TENM4: variants seen among roughly 807,000 people sequenced by gnomAD.
TENM4 encodes teneurin transmembrane protein 4.
In TENM4, 82 loss-of-function variants were observed where a neutral mutation model predicts 243.3. The observed-to-expected ratio is 0.34, with a 90% CI of 0.28 to 0.40. The LOEUF is 0.40. Ranked by LOEUF, TENM4 falls within the 10% of genes least tolerant of loss-of-function variation. The probability of loss-of-function intolerance (pLI) is 1.00; values close to 1 mark genes in which losing one functional copy is unlikely to be tolerated. For synonymous variants in TENM4, 1,412 were observed against 1,456.3 expected (o/e 0.97, Z 0.69); for missense variants, 3,138 against 3,673.3 (o/e 0.85, Z 3.77).
chr11:78,885,732 A>C (rs889034666), intron 9 of TENM4, among the ~76,000 whole-genome samples: 22 of 152,308 alleles, frequency 1.4e-4, no homozygotes, highest in Admixed American at 1.2e-3. Context: ...CAGCTTGGGC[A>C]ACATATTAGA....
At chr11:79,030,827 T>C (rs1402826644) in intron 6 of TENM4, among the ~76,000 whole-genome samples, 1 of 151,988 alleles carries the variant, frequency 6.6e-6, no homozygotes, top group African/African-American at 2.4e-5. Flanking sequence ...CTGACCAAGA[T>C]CCAGCGCCCC....
At chr11:79,243,764 C>A (rs1013644759) in intron 2 of TENM4, among the ~76,000 whole-genome samples, 4 of 152,178 alleles carry the variant, frequency 2.6e-5, no homozygotes, top group Non-Finnish European at 4.4e-5. Context: ...TAATGCAGGG[C>A]GCTAACCAAG....
intron 18 of TENM4, among the ~76,000 whole-genome samples, chr11:78,765,052 A>G (rs918764842): frequency 6.6e-6 from 1 of 152,200 alleles, no homozygotes; most frequent in African/African-American, 2.4e-5. Context: ...CAAGCCCATC[A>G]GTCTTTTTGC....
At chr11:78,926,385 T>C (rs1331332407) in intron 6 of TENM4, among the ~76,000 whole-genome samples, 1 of 151,414 alleles carries the variant, frequency 6.6e-6, no homozygotes, top group Non-Finnish European at 1.5e-5. Flanking sequence ...GCGATTCTCC[T>C]GCCTCAGCTT....
intron 4 of TENM4, among the ~76,000 whole-genome samples, chr11:79,112,709 G>A (rs1179861682): frequency 3.9e-5 from 6 of 152,276 alleles, no homozygotes; most frequent in Non-Finnish European, 7.4e-5. Flanking sequence ...TGGTCAAGGA[G>A]CATCATTCCT....
chr11:79,318,233 G>A (rs1438926658), intron 1 of TENM4, among the ~76,000 whole-genome samples: 1 of 152,110 alleles, frequency 6.6e-6, no homozygotes, highest in African/African-American at 2.4e-5. Context: ...GTGAACAGGG[G>A]GGATAAAAAG....
chr11:79,041,204 C>T (rs1469159870), intron 6 of TENM4, among the ~76,000 whole-genome samples: 3 of 152,082 alleles, frequency 2.0e-5, no homozygotes, highest in Admixed American at 2.0e-4. Context: ...GCTGGGACTA[C>T]AGGCATCTGC....
chr11:78,941,794 A>G (rs139222502), intron 6 of TENM4, among the ~76,000 whole-genome samples: 1 of 152,220 alleles, frequency 6.6e-6, no homozygotes, highest in Non-Finnish European at 1.5e-5. Context: ...GCTGACTCTG[A>G]CACAACACAG....
intron 1 of TENM4, among the ~76,000 whole-genome samples, chr11:79,316,729 G>C (rs953794658): frequency 1.3e-5 from 2 of 152,206 alleles, no homozygotes; most frequent in African/African-American, 4.8e-5. Flanking sequence ...GGGCAGGCAA[G>C]AGTGCCTGTG....
intron 1 of TENM4, among the ~76,000 whole-genome samples, chr11:79,378,426 G>A (rs1857934589): frequency 6.6e-6 from 1 of 152,224 alleles, no homozygotes; most frequent in Non-Finnish European, 1.5e-5. Flanking sequence ...GGTGGAGAAG[G>A]AACATTGCAT....
intron 12 of TENM4, among the ~76,000 whole-genome samples, chr11:78,852,964 G>C (rs1208051795): frequency 6.6e-6 from 1 of 152,020 alleles, no homozygotes; most frequent in Admixed American, 6.5e-5. Flanking sequence ...ATGTTGCCCA[G>C]GCAGGTCTTG....
intron 1 of TENM4, among the ~76,000 whole-genome samples, chr11:79,361,822 G>T (rs1457025564): frequency 6.6e-6 from 1 of 152,120 alleles, no homozygotes; most frequent in East Asian, 1.9e-4. Context: ...GCTGGAAGTG[G>T]CAGTCAAATC....
At chr11:78,803,349 C>A (rs1223987810) in intron 15 of TENM4, among the ~76,000 whole-genome samples, 5 of 152,132 alleles carry the variant, frequency 3.3e-5, no homozygotes, top group African/African-American at 9.7e-5. Flanking sequence ...TTAAATAATT[C>A]TCACTATAAC....
intron 26 of TENM4, 94 bp from the exon 27 acceptor site, chr11:78,708,609 C>A: frequency 7.0e-7 from 1 of 1,434,954 alleles, no homozygotes; most frequent in Non-Finnish European, 9.4e-7. Flanking sequence ...AGCACCTCCT[C>A]TACATGATTG....
intron 6 of TENM4, chr11:78,903,984 A>G (rs1856002833): frequency 2.6e-6 from 1 of 385,308 alleles, no homozygotes; most frequent in Non-Finnish European, 5.0e-6. Flanking sequence ...CAAACCCTCC[A>G]AGTGACTCTG....
At chr11:78,981,096 T>C (rs1857781938) in intron 6 of TENM4, among the ~76,000 whole-genome samples, 1 of 152,180 alleles carries the variant, frequency 6.6e-6, no homozygotes, top group African/African-American at 2.4e-5. Context: ...CTCATTACTA[T>C]GAAGTATCTG....
At chr11:79,424,900 C>T (rs560522549) in intron 1 of TENM4, among the ~76,000 whole-genome samples, 1 of 152,268 alleles carries the variant, frequency 6.6e-6, no homozygotes, top group African/African-American at 2.4e-5. Flanking sequence ...CACCACTGCA[C>T]TCCAGCCTGG....
chr11:78,917,367 C>A (rs993683582), intron 6 of TENM4, among the ~76,000 whole-genome samples: 3 of 152,172 alleles, frequency 2.0e-5, no homozygotes, highest in African/African-American at 7.2e-5. Flanking sequence ...CTCATGTGAC[C>A]CTTACCTTCT....
At position 78,695,953 on chromosome 11, in the gene TENM4, CA is replaced by C. The variant is rs1016361446; in HGVS notation, c.5087+5572del. Among the ~76,000 whole-genome samples the C allele has an allele frequency of 7.5e-4, 114 of 151,638 alleles. 1 individual carries two copies. Among genetic ancestry groups the C allele is most frequent in the African/African-American group, 2.7e-3 (112 of 41,344 alleles). On this transcript the variant is annotated intron_variant, in intron 28 of 33. Transcript: ENST00000278550. ...TTATTAATTATGGGTAATTCTCTGC[CA>C]TTATTTCCTCAAATATTTCTTCTGC...
Sources: allele counts gnomAD v4.1 joint callset (sites outside exome capture counted in the v4.1 genomes callset), GRCh38; gene constraint gnomAD v4.1.1; transcripts MANE v1.5; gene names NCBI Gene and HGNC (gene_info 2026-07-23, HGNC 2026-07-21).